The following CRACD variants were observed in gnomAD, a reference collection of about 807,000 sequenced individuals.
CRACD encodes the protein capping protein-inhibiting regulator of actin dynamics.
In CRACD, 56 loss-of-function variants were observed where a neutral mutation model predicts 106.8. The observed-to-expected ratio is 0.52, with a 90% CI of 0.42 to 0.66. CRACD has a LOEUF of 0.66. CRACD is among the 30% of genes least tolerant of loss of function. CRACD has a pLI of 0.00. For synonymous variants in CRACD, 754 were observed against 670.8 expected (o/e 1.12, Z -1.92); for missense variants, 1,730 against 1,623.2 (o/e 1.07, Z -1.13).
chr4:56,191,691 G>C (rs1212676582), intron 2 of CRACD, among the ~76,000 whole-genome samples: 1 of 152,162 alleles, frequency 6.6e-6, no homozygotes, highest in Non-Finnish European at 1.5e-5. Flanking sequence ...CTGCAGTCAG[G>C]GCGTTTGCCT....
chr4:56,165,263 A>T (rs1432879614), intron 1 of CRACD, among the ~76,000 whole-genome samples: 1 of 152,210 alleles, frequency 6.6e-6, no homozygotes, highest in African/African-American at 2.4e-5. Flanking sequence ...ATCCACTGAG[A>T]GTCTGTTCTC....
intron 1 of CRACD, among the ~76,000 whole-genome samples, chr4:56,120,317 A>G (rs1734441758): frequency 6.6e-6 from 1 of 152,100 alleles, no homozygotes; most frequent in Non-Finnish European, 1.5e-5. Flanking sequence ...CTCTGATCCT[A>G]TATGTCTTTG....
At chr4:56,221,179 C>T (rs775437677) in intron 2 of CRACD, among the ~76,000 whole-genome samples, 8 of 151,998 alleles carry the variant, frequency 5.3e-5, no homozygotes, top group Non-Finnish European at 1.2e-4. Flanking sequence ...TGATCAGATC[C>T]GCATTTTAGA....
intron 2 of CRACD, among the ~76,000 whole-genome samples, chr4:56,185,399 C>G (rs1266149624): frequency 8.5e-5 from 13 of 152,184 alleles, no homozygotes; most frequent in Non-Finnish European, 1.0e-4. Flanking sequence ...CACTGGCAGC[C>G]ACCAATCTTT....
chr4:56,101,116 G>A (rs1435918261), intron 1 of CRACD, among the ~76,000 whole-genome samples: 3 of 147,136 alleles, frequency 2.0e-5, no homozygotes, highest in Non-Finnish European at 4.5e-5. Flanking sequence ...CTTATTTATA[G>A]AGAAGCCTCT....
rs1240966673 is a variant in CRACD at position 56,329,916 on chromosome 4, A to G, written c.*2112A>G. Among the ~76,000 whole-genome samples the G allele has an allele frequency of 6.6e-6, 1 of 152,220 alleles. No individual in the cohort carries two copies. Among genetic ancestry groups the G allele is most frequent in the Non-Finnish European group, 1.5e-5 (1 of 68,048 alleles). ...GGATATCACTGTGCCCAAACAAAAC[A>G]GGCGAAATACCTCAGTTAAAATTTT... On this transcript the variant is annotated 3_prime_UTR_variant, in exon 11 of 11. Coordinates refer to ENST00000682029, the MANE Select transcript of CRACD (RefSeq NM_001393381.1).
At position 56,316,033 on chromosome 4, in the gene CRACD, C is replaced by T; in HGVS notation, c.2531C>T (p.Pro844Leu). 6.2e-7 allele frequency: 1 copy of T among 1,614,212 alleles called. No homozygotes were observed. The highest frequency in any genetic ancestry group is 8.5e-7 in the Non-Finnish European group (1 of 1,180,048). Residue 844 changes from proline (P) to leucine (L), a missense_variant, in exon 8 of 11, where the codon CCG becomes CTG. Around this residue, in one of 5 missense-constraint regions of CRACD, gnomAD observed 1,620 missense variants for 1,481.6 expected, o/e 1.09. Transcript: ENST00000682029. ...CCAGGTGGAGAGGAAAAAGCCTCAC[C>T]GTTTGGAATAAAATTGAGAAGGACC... ...VMPGGEEKAS[P>L]FGIKLRRTNY...
At chr4:56,116,038 C>G (rs1734263953) in intron 1 of CRACD, among the ~76,000 whole-genome samples, 1 of 152,178 alleles carries the variant, frequency 6.6e-6, no homozygotes, top group African/African-American at 2.4e-5. Context: ...TCTGCCTGCG[C>G]TCTTAAATAA....
At chr4:56,179,127 C>G (rs1212203579) in intron 1 of CRACD, among the ~76,000 whole-genome samples, 157 bp from the exon 2 acceptor site, 1 of 151,404 alleles carries the variant, frequency 6.6e-6, no homozygotes, top group Non-Finnish European at 1.5e-5. Context: ...CAGTGCAAAT[C>G]GAATGTTGGT....
chr4:56,062,036 C>T (rs990052315), intron 1 of CRACD, among the ~76,000 whole-genome samples: 2 of 152,172 alleles, frequency 1.3e-5, no homozygotes, highest in African/African-American at 4.8e-5. Context: ...TATTCGATGT[C>T]ATGAAAATAT....
intron 1 of CRACD, among the ~76,000 whole-genome samples, chr4:56,102,351 G>A (rs562937787): frequency 8.6e-5 from 13 of 151,966 alleles, no homozygotes; most frequent in South Asian, 4.2e-4. Flanking sequence ...TCTTTTTTCC[G>A]TTCTAATCAG....
At chr4:56,137,506 C>T (rs1735043841) in intron 1 of CRACD, among the ~76,000 whole-genome samples, 1 of 152,154 alleles carries the variant, frequency 6.6e-6, no homozygotes, top group African/African-American at 2.4e-5. Flanking sequence ...CTTTATCTCT[C>T]TTCTCTCAGG....
chr4:56,180,772 C>T (rs949663826), intron 2 of CRACD, among the ~76,000 whole-genome samples: 1 of 152,064 alleles, frequency 6.6e-6, no homozygotes, highest in South Asian at 2.1e-4. Context: ...ATTCACATAC[C>T]AAGCTTTGTA....
At chr4:56,319,913 C>T (rs977577224) in intron 8 of CRACD, among the ~76,000 whole-genome samples, 1 of 152,158 alleles carries the variant, frequency 6.6e-6, no homozygotes, top group Non-Finnish European at 1.5e-5. Flanking sequence ...GTGGCTCACA[C>T]CTATAATCCC....
chr4:56,139,362 C>T (rs1370510342), intron 1 of CRACD, among the ~76,000 whole-genome samples: 2 of 152,130 alleles, frequency 1.3e-5, no homozygotes, highest in East Asian at 3.9e-4. Flanking sequence ...TCCCCTCTCT[C>T]TTCACCTTAC....
Position 56,330,348 on chromosome 4 carries a change from T to G in CRACD, c.*2544T>G, listed in dbSNP as rs1393705191. Among the ~76,000 whole-genome samples the G allele has an allele frequency of 1.3e-5, 2 of 152,230 alleles. No homozygotes were observed. Among genetic ancestry groups the G allele is most frequent in the African/African-American group, 2.4e-5 (1 of 41,456 alleles). Reference sequence around the variant, plus strand: ...TTTCTTACACAGACATTATTACTATTAAATTATCATTTAGCCAGTTATCTG... The same window carrying G: ...TTTCTTACACAGACATTATTACTATGAAATTATCATTTAGCCAGTTATCTG... On this transcript the variant is annotated 3_prime_UTR_variant, in exon 11 of 11. Coordinates refer to ENST00000682029, the MANE Select transcript of CRACD (RefSeq NM_001393381.1).
chr4:56,289,490 G>A (rs1743578659), intron 3 of CRACD, among the ~76,000 whole-genome samples: 1 of 151,946 alleles, frequency 6.6e-6, no homozygotes, highest in African/African-American at 2.4e-5. Flanking sequence ...TGGGCAACAT[G>A]GCAAGATCCC....
chr4:56,081,218 A>G (rs1335907447), intron 1 of CRACD, among the ~76,000 whole-genome samples: 1 of 152,212 alleles, frequency 6.6e-6, no homozygotes. Context: ...TACTTTGCCT[A>G]GGACCCACCT....
chr4:56,214,681 C>CTCTATATATATATATATATA, intron 2 of CRACD, among the ~76,000 whole-genome samples: 47 of 80,982 alleles, frequency 5.8e-4, no homozygotes, highest in African/African-American at 1.9e-3. Context: ...CTCTCTCTCT[C>CTCTATATATATATATATATA]TATATATATA....
Sources: gnomAD v4.1 joint callset for allele counts (sites outside exome capture counted in the v4.1 genomes callset) on GRCh38, gnomAD v4.1.1 for gene constraint, gnomAD v4.1.1 regional missense constraint, MANE v1.5 for transcripts, NCBI Gene and HGNC (gene_info 2026-07-23, HGNC 2026-07-21) for gene names.